Variants in PLCH1 observed in about 807,000 individuals in gnomAD.
PLCH1 encodes 1-phosphatidylinositol 4,5-bisphosphate phosphodiesterase eta-1.
A neutral mutation model predicts 126.7 loss-of-function variants in PLCH1; 60 were observed. That is an observed-to-expected ratio of 0.47 (90% CI 0.38 to 0.59). PLCH1 has a LOEUF of 0.59. Among genes scored for constraint, PLCH1 ranks in the 20% least tolerant of loss-of-function variants. The pLI is 0.00. For missense variants in PLCH1, 1,723 were observed against 2,040.0 expected, an observed-to-expected ratio of 0.84 and a Z score of 2.99; for synonymous variants, 719 against 734.9, an observed-to-expected ratio of 0.98 and a Z score of 0.35.
chr3:155,531,818 C>A (rs1722725006), intron 10 of PLCH1, among the ~76,000 whole-genome samples: 1 of 152,304 alleles, frequency 6.6e-6, no homozygotes, highest in Non-Finnish European at 1.5e-5. Context: ...TCTTCTGCAG[C>A]TTCCTCACCT....
chr3:155,736,871 C>G (rs547864824), intron 1 of PLCH1, among the ~76,000 whole-genome samples: 2 of 150,540 alleles, frequency 1.3e-5, no homozygotes, highest in South Asian at 4.4e-4. Flanking sequence ...CTTTTTCTTT[C>G]TTTGTTTTTA....
chr3:155,706,312 G>A (rs558565583), intron 1 of PLCH1, among the ~76,000 whole-genome samples: 8 of 150,158 alleles, frequency 5.3e-5, no homozygotes, highest in South Asian at 2.1e-4. Context: ...TGGTGAAACC[G>A]TGTCTCTACT....
At chr3:155,640,300 T>G (rs2108851544) in intron 2 of PLCH1, among the ~76,000 whole-genome samples, 1 of 152,358 alleles carries the variant, frequency 6.6e-6, no homozygotes, top group Non-Finnish European at 1.5e-5. Context: ...TGAACCCTGG[T>G]CATCCTTGAA....
At chr3:155,669,235 A>G (rs1008386945) in intron 2 of PLCH1, among the ~76,000 whole-genome samples, 3 of 152,220 alleles carry the variant, frequency 2.0e-5, no homozygotes, top group Non-Finnish European at 4.4e-5. Context: ...GAATGACTAT[A>G]CACAAAGATT....
chr3:155,636,456 A>T (rs1262958404), intron 2 of PLCH1, among the ~76,000 whole-genome samples: 3 of 152,212 alleles, frequency 2.0e-5, no homozygotes, highest in African/African-American at 7.2e-5. Context: ...CTAAGTAGTT[A>T]GATTTTGTAG....
chr3:155,472,266 A>T (rs1197850132), intron 21 of PLCH1, among the ~76,000 whole-genome samples: 1 of 152,224 alleles, frequency 6.6e-6, no homozygotes, highest in Non-Finnish European at 1.5e-5. Flanking sequence ...ATCCCACAGA[A>T]ATACAAACTA....
Position 155,624,460 on chromosome 3 carries a change from G to A in PLCH1, c.80-28082C>T, listed in dbSNP as rs141662893. ...AATTAGGAAAAGAGGGAGTCAAATT[G>A]TCTCTGTTTGCAGATGACATGATTA... On this transcript the variant is annotated intron_variant, in intron 2 of 22. Coordinates refer to ENST00000460012, the MANE Select transcript of PLCH1 (RefSeq NM_014996.4). 8.8e-3 allele frequency among the ~76,000 whole-genome samples: 1,333 copies of A among 152,272 alleles called. 14 individuals are homozygous for A. The highest frequency in any genetic ancestry group is 0.031 in the African/African-American group (1,280 of 41,546).
At chr3:155,509,297 A>G (rs2108200755) in intron 12 of PLCH1, among the ~76,000 whole-genome samples, 2 of 111,562 alleles carry the variant, frequency 1.8e-5, no homozygotes, top group East Asian at 2.3e-4. Flanking sequence ...GATCCTTTCA[A>G]AAAACCAGCT....
chr3:155,586,296 G>A (rs1340238475), intron 4 of PLCH1, 102 bp from the exon 5 acceptor site: 6 of 1,228,362 alleles, frequency 4.9e-6, no homozygotes, highest in African/African-American at 1.5e-5. Context: ...CAGAACTTGA[G>A]AAGAAATTAT....
intron 12 of PLCH1, among the ~76,000 whole-genome samples, chr3:155,513,020 T>C (rs1240513898): frequency 6.6e-6 from 1 of 152,250 alleles, no homozygotes; most frequent in Non-Finnish European, 1.5e-5. Flanking sequence ...ATTTCATTTT[T>C]ACTTTTCTTC....
intron 2 of PLCH1, among the ~76,000 whole-genome samples, chr3:155,609,574 AT>A (rs531456160): frequency 1.3e-5 from 2 of 152,362 alleles, no homozygotes; most frequent in African/African-American, 4.8e-5. Context: ...AAAAGAATTC[AT>A]AAGGTAGGTC....
At chr3:155,742,225 A>C (rs184121074) in intron 1 of PLCH1, 37 of 152,382 alleles carry the variant, frequency 2.4e-4, no homozygotes, top group African/African-American at 8.7e-4. Flanking sequence ...CTAAGTGAAT[A>C]AATTAAGTAA....
intron 10 of PLCH1, among the ~76,000 whole-genome samples, chr3:155,536,489 A>G (rs1299157951): frequency 6.6e-6 from 1 of 152,194 alleles, no homozygotes; most frequent in Non-Finnish European, 1.5e-5. Flanking sequence ...AACAATCACA[A>G]CTTCTAAAAA....
intron 2 of PLCH1, among the ~76,000 whole-genome samples, chr3:155,698,511 C>T (rs1442231371): frequency 6.6e-6 from 1 of 152,180 alleles, no homozygotes; most frequent in East Asian, 1.9e-4. Context: ...GGAGATAAAT[C>T]AATGTGGTCA....
intron 21 of PLCH1, among the ~76,000 whole-genome samples, chr3:155,461,858 G>C (rs571664745): frequency 6.6e-5 from 10 of 152,194 alleles, no homozygotes; most frequent in South Asian, 2.1e-4. Context: ...CTTGCATGAT[G>C]ATGGGCTCAT....
downstream of PLCH1, among the ~76,000 whole-genome samples, chr3:155,476,944 G>A (rs1713573174): frequency 6.6e-6 from 1 of 152,010 alleles, no homozygotes; most frequent in African/African-American, 2.4e-5. Context: ...AGTAGCCAAA[G>A]GTATCCTAAG....
chr3:155,466,233 G>A (rs1011256395), intron 21 of PLCH1, among the ~76,000 whole-genome samples: 1 of 152,218 alleles, frequency 6.6e-6, no homozygotes, highest in Non-Finnish European at 1.5e-5. Flanking sequence ...CATAGCAGTG[G>A]TGACTACAGG....
chr3:155,711,577 G>A (rs1000365985), intron 1 of PLCH1, among the ~76,000 whole-genome samples: 2 of 152,128 alleles, frequency 1.3e-5, no homozygotes, highest in Non-Finnish European at 2.9e-5. Flanking sequence ...CCACCACAGT[G>A]GACATCTGCT....
chr3:155,544,167 G>A (rs1163937640), intron 10 of PLCH1, among the ~76,000 whole-genome samples: 1 of 152,104 alleles, frequency 6.6e-6, no homozygotes, highest in East Asian at 1.9e-4. Context: ...ACACACATAG[G>A]CTCAAAATAA....
Sources: gnomAD v4.1 joint callset for allele counts (sites outside exome capture counted in the v4.1 genomes callset) on GRCh38, gnomAD v4.1.1 for gene constraint, MANE v1.5 for transcripts, NCBI Gene and HGNC (gene_info 2026-07-23, HGNC 2026-07-21) for gene names.